NCOR2: variants seen among roughly 807,000 people sequenced by gnomAD.
NCOR2 encodes CTG repeat protein 26.
In NCOR2, 81 loss-of-function variants were observed where a neutral mutation model predicts 262.9. That is an observed-to-expected ratio of 0.31 (90% CI 0.26 to 0.37). NCOR2 has a LOEUF of 0.37. Ranked by LOEUF, NCOR2 falls within the 10% of genes least tolerant of loss-of-function variation. The pLI, the probability that NCOR2 is intolerant of heterozygous loss-of-function variation, is 1.00. For missense variants in NCOR2, 3,385 were observed against 3,621.4 expected (o/e 0.93, Z 1.68); for synonymous variants, 1,659 against 1,559.3 (o/e 1.06, Z -1.51).
Position 124,421,120 on chromosome 12 carries a change from G to A in NCOR2, c.1384-1065C>T, listed in dbSNP as rs539682402. On this transcript the variant is annotated intron_variant, in intron 12 of 46. Transcript: ENST00000405201. ...CCGGCTCCGGACAGCAGCTGCCCCC[G>A]CAGACGGGCACAGACTGGCTGGTCC... Among the ~76,000 whole-genome samples, 24 of 152,372 alleles carry A rather than the reference G, an allele frequency of 1.6e-4. No homozygotes were observed. In the South Asian group the frequency reaches 1.9e-3, roughly 12 times the overall value.
chr12:124,479,556 C>G (rs544083653), intron 3 of NCOR2, among the ~76,000 whole-genome samples: 1 of 152,080 alleles, frequency 6.6e-6, no homozygotes, highest in Admixed American at 6.5e-5. Flanking sequence ...CACACACAAA[C>G]GCGCACACAC....
At chr12:124,343,125 G>C (rs764796176) in exon 33 of NCOR2, 1 of 1,612,326 alleles carries the variant, frequency 6.2e-7, no homozygotes, top group Non-Finnish European at 8.5e-7. Context: ...GAGATGGGGT[G>C]TGGGTGGTGC....
intron 27 of NCOR2, among the ~76,000 whole-genome samples, chr12:124,353,731 C>A (rs1021160422): frequency 3.9e-5 from 6 of 152,264 alleles, no homozygotes; most frequent in African/African-American, 1.4e-4. Context: ...TCAATTTCTT[C>A]TGGCCACAGC....
chr12:124,554,727 G>A (rs1001546767), intron 1 of NCOR2, among the ~76,000 whole-genome samples: 49 of 152,240 alleles, frequency 3.2e-4, no homozygotes, highest in Admixed American at 5.2e-4. Flanking sequence ...GCACAGTTCC[G>A]GGAGGTGCCG....
intron 13 of NCOR2, 59 bp from the exon 16 acceptor site, chr12:124,402,620 T>C: frequency 6.5e-7 from 1 of 1,539,946 alleles, no homozygotes. Context: ...CGTGAACAGG[T>C]GAATCTCTGC....
At chr12:124,478,234 C>T (rs1593734336) in intron 3 of NCOR2, among the ~76,000 whole-genome samples, 2 of 152,192 alleles carry the variant, frequency 1.3e-5, no homozygotes, top group East Asian at 1.9e-4. Flanking sequence ...CTGAGGACAT[C>T]GTGTCACCTA....
chr12:124,410,630 C>A (rs892282472), intron 13 of NCOR2, among the ~76,000 whole-genome samples: 1 of 152,150 alleles, frequency 6.6e-6, no homozygotes, highest in African/African-American at 2.4e-5. Context: ...AAACAAGATA[C>A]AAGCCCTCGG....
chr12:124,346,107 G>A (rs150230290), intron 31 of NCOR2, among the ~76,000 whole-genome samples: 4 of 152,286 alleles, frequency 2.6e-5, no homozygotes, highest in Non-Finnish European at 4.4e-5. Context: ...GTGACTCTGG[G>A]TGAGTCGTTG....
chr12:124,394,447 T>TG (rs141154403), intron 16 of NCOR2, among the ~76,000 whole-genome samples: 1 of 152,076 alleles, frequency 6.6e-6, no homozygotes, highest in Non-Finnish European at 1.5e-5. Context: ...TTGGAGAGCA[T>TG]CCCCCCAACA....
chr12:124,508,906 G>A (rs1434488588), intron 1 of NCOR2, among the ~76,000 whole-genome samples: 1 of 152,164 alleles, frequency 6.6e-6, no homozygotes, highest in African/African-American at 2.4e-5. Context: ...ACAGGAGGTG[G>A]AGCGCCAGCA....
intron 41 of NCOR2, among the ~76,000 whole-genome samples, chr12:124,333,905 TGTGTGCGGGTGTGCATGTGTGTGCGC>T (rs2035573637): frequency 2.5e-5 from 3 of 122,090 alleles, no homozygotes; most frequent in South Asian, 5.5e-4. Context: ...TGCGCGCGCA[TGTGTGCGGGTGTGCATGTGTGTGCGC>T]GCGCATGTGT....
Position 124,402,564 on chromosome 12 carries a change from G to C in NCOR2, c.1483-3C>G, listed in dbSNP as rs2042039694. ...TGCTGCTGCTGTTGTTGCTGCTGCT[G>C]TCAGACCCCGGGGGAGGGCAGAGGG... On this transcript the variant is annotated splice_polypyrimidine_tract_variant and splice_region_variant and intron_variant, in intron 13 of 46. Transcript: ENST00000405201. 1 of 1,557,858 alleles carries C rather than the reference G, an allele frequency of 6.4e-7. No individual in the cohort carries two copies. Among genetic ancestry groups the C allele is most frequent in the Non-Finnish European group, 8.7e-7 (1 of 1,151,586 alleles).
intron 22 of NCOR2, among the ~76,000 whole-genome samples, chr12:124,358,063 ATGT>A (rs1377096598): frequency 2.4e-5 from 3 of 127,472 alleles, no homozygotes; most frequent in Non-Finnish European, 3.2e-5. Flanking sequence ...CCTGTACACA[ATGT>A]TGAAGGAGGT....
At chr12:124,509,525 CA>C in intron 1 of NCOR2, among the ~76,000 whole-genome samples, 1 of 152,194 alleles carries the variant, frequency 6.6e-6, no homozygotes, top group Non-Finnish European at 1.5e-5. Flanking sequence ...CCTCCTAAAA[CA>C]CAAACTCTCA....
chr12:124,342,891 G>T, intron 33 of NCOR2, 114 bp downstream of exon 35: 2 of 1,165,952 alleles, frequency 1.7e-6, no homozygotes, highest in Non-Finnish European at 1.2e-6. Flanking sequence ...CCTCAGTTTC[G>T]CCATCCAGGG....
At chr12:124,414,188 C>T (rs1388306150) in intron 13 of NCOR2, among the ~76,000 whole-genome samples, 1 of 152,214 alleles carries the variant, frequency 6.6e-6, no homozygotes, top group Non-Finnish European at 1.5e-5. Context: ...GGGCCTCCCT[C>T]CAACTCCCCG....
In NCOR2 at chr12:124,503,483, A is replaced by ATGGATGATGGAT. The variant is rs1555233100; in HGVS notation, c.-117-8116_-117-8115insATCCATCATCCA. 2.0e-5 allele frequency among the ~76,000 whole-genome samples: 3 copies of ATGGATGATGGAT among 151,424 alleles called. No homozygotes were observed. The highest frequency in any genetic ancestry group is 1.9e-4 in the East Asian group (1 of 5,140). On this transcript the variant is annotated intron_variant, in intron 1 of 46. Coordinates refer to the NCOR2 transcript ENST00000404621. This position sits in a 1 kb window ranked among gnomAD's most constrained non-coding sequence, Gnocchi z 4.3. ...CATGGACTGATGGATGGATGGATGGATGATGGATTGATGGATGGATGGATG... is the reference window on the plus strand; with the variant it reads ...CATGGACTGATGGATGGATGGATGGATGGATGATGGATTGATGGATTGATGGATGGATGGATG...
At chr12:124,402,100 G>T (rs540235283) in intron 14 of NCOR2, among the ~76,000 whole-genome samples, 2 of 152,332 alleles carry the variant, frequency 1.3e-5, no homozygotes, top group East Asian at 3.9e-4. Context: ...GAGTTCCAAA[G>T]TCATTGCCTG....
intron 17 of NCOR2, 76 bp downstream of exon 19, chr12:124,385,669 A>C: frequency 1.3e-6 from 2 of 1,568,766 alleles, no homozygotes; most frequent in Non-Finnish European, 1.7e-6. Flanking sequence ...CCTGGGGTGC[A>C]GAGACATCTC....
Sources: allele counts gnomAD v4.1 joint callset (sites outside exome capture counted in the v4.1 genomes callset), GRCh38; gene constraint gnomAD v4.1.1; non-coding constraint Gnocchi (gnomAD v3.1); transcripts MANE v1.5; gene names NCBI Gene and HGNC (gene_info 2026-07-23, HGNC 2026-07-21).